The following ABI1 variants were observed in gnomAD, a reference collection of about 807,000 sequenced individuals.
The protein encoded by ABI1 is abl interactor 1.
ABI1 carries 14 observed loss-of-function variants against 54.6 expected under a neutral mutation model. The observed-to-expected ratio is 0.26, with a 90% CI of 0.17 to 0.40. ABI1 has a LOEUF of 0.40. Among genes scored for constraint, ABI1 ranks in the 10% least tolerant of loss-of-function variants. ABI1 has a pLI of 1.00. For missense variants in ABI1, 443 were observed against 598.3 expected (o/e 0.74, Z 2.71); for synonymous variants, 194 against 209.3 (o/e 0.93, Z 0.63).
At chr10:26,762,420 T>C (rs1839358397) in intron 7 of ABI1, among the ~76,000 whole-genome samples, 1 of 152,178 alleles carries the variant, frequency 6.6e-6, no homozygotes, top group Non-Finnish European at 1.5e-5. Flanking sequence ...TATTTCTAAC[T>C]AATTCTCAGA....
At chr10:26,802,160 TG>T (rs2046606735) in intron 2 of ABI1, among the ~76,000 whole-genome samples, 1 of 152,204 alleles carries the variant, frequency 6.6e-6, no homozygotes, top group Non-Finnish European at 1.5e-5. Flanking sequence ...TTGTTATCCC[TG>T]GAAGTTAAAA....
At chr10:26,789,010 A>G (rs72629725) in intron 2 of ABI1, 3,208 of 151,670 alleles carry the variant, frequency 0.021, 225 homozygotes, top group East Asian at 0.2. Flanking sequence ...AAAAAAAAAA[A>G]GTGGATCCTC....
chr10:26,827,643 A>G (rs1401631016), intron 1 of ABI1, among the ~76,000 whole-genome samples: 1 of 140,256 alleles, frequency 7.1e-6, no homozygotes, highest in Non-Finnish European at 1.5e-5. Flanking sequence ...CTCAGGCTGG[A>G]GTGCAATGGA....
intron 9 of ABI1, among the ~76,000 whole-genome samples, chr10:26,753,147 G>GC (rs1837846133): frequency 6.6e-6 from 1 of 152,060 alleles, no homozygotes; most frequent in Non-Finnish European, 1.5e-5. Context: ...TCAATGCTGT[G>GC]ATTTCTATTT....
intron 2 of ABI1, among the ~76,000 whole-genome samples, chr10:26,820,881 A>G (rs2047932181): frequency 6.6e-6 from 1 of 152,060 alleles, no homozygotes; most frequent in African/African-American, 2.4e-5. Context: ...TTACAGACCT[A>G]AACACCTATG....
chr10:26,825,827 G>T (rs2133836205), intron 1 of ABI1, among the ~76,000 whole-genome samples: 1 of 152,262 alleles, frequency 6.6e-6, no homozygotes, highest in East Asian at 1.9e-4. Context: ...TATTTCCTTT[G>T]TTCACCTATA....
Position 26,765,312 on chromosome 10 carries a change from A to G in ABI1, c.726T>C (p.Ser242=). ...TTTCTCGACTTCCACTTCCTCCACT[A>G]CTTCCACTGAAAAGAAAAAAAAAAA... The part of the protein sequence containing the change: ...LNQRPRTHSG[S]SGGSGSRENS... Residue 242 remains serine, a synonymous_variant, in exon 7 of 11, where the codon AGT becomes AGC. Transcript: ENST00000376140. The G allele has an allele frequency of 6.3e-7, 1 of 1,578,940 alleles. No individual in the cohort carries two copies. The highest frequency in any genetic ancestry group is 8.6e-7 in the Non-Finnish European group (1 of 1,169,296).
At chr10:26,857,934 C>A (rs141991236) in intron 1 of ABI1, among the ~76,000 whole-genome samples, 37 of 151,852 alleles carry the variant, frequency 2.4e-4, no homozygotes, top group Non-Finnish European at 5.0e-4. Flanking sequence ...ATAATACAAC[C>A]TACTAGTTAA....
intron 1 of ABI1, among the ~76,000 whole-genome samples, chr10:26,844,097 AT>A (rs1325109871): frequency 6.6e-6 from 1 of 152,192 alleles, no homozygotes; most frequent in African/African-American, 2.4e-5. Context: ...CAGTTCAAGT[AT>A]GTTTTTGACT....
intron 7 of ABI1, among the ~76,000 whole-genome samples, chr10:26,764,952 A>G (rs535036603): frequency 6.6e-6 from 1 of 152,308 alleles, no homozygotes; most frequent in South Asian, 2.1e-4. Flanking sequence ...GAATGAATAT[A>G]TTTCTAAAGC....
chr10:26,774,833 T>C (rs1841180116), intron 3 of ABI1, among the ~76,000 whole-genome samples: 1 of 151,804 alleles, frequency 6.6e-6, no homozygotes, highest in African/African-American at 2.4e-5. Context: ...AGATATAATT[T>C]TTAAAATTCT....
intron 3 of ABI1, among the ~76,000 whole-genome samples, chr10:26,774,903 G>A (rs375443809): frequency 6.6e-6 from 1 of 152,060 alleles, no homozygotes; most frequent in South Asian, 2.1e-4. Flanking sequence ...AGCAATATGA[G>A]TAAATATTTG....
intron 1 of ABI1, among the ~76,000 whole-genome samples, chr10:26,853,090 G>A (rs2050524309): frequency 6.6e-6 from 1 of 152,020 alleles, no homozygotes; most frequent in African/African-American, 2.4e-5. Context: ...CATTCTAAGG[G>A]ATGGATATTT....
chr10:26,786,068 A>T (rs764081267), intron 2 of ABI1, among the ~76,000 whole-genome samples: 2 of 152,122 alleles, frequency 1.3e-5, no homozygotes, highest in Non-Finnish European at 2.9e-5. Context: ...GACTCTTCAC[A>T]ATTCTTGAAA....
At chr10:26,846,342 C>CT (rs139282236) in intron 1 of ABI1, among the ~76,000 whole-genome samples, 190 of 139,458 alleles carry the variant, frequency 1.4e-3, no homozygotes, top group Middle Eastern at 3.6e-3. Context: ...TTTCTCTTTT[C>CT]TTTTTTTTTT....
Position 26,746,867 on chromosome 10 carries a change from A to C in ABI1, c.*1703T>G, listed in dbSNP as rs1588721031. 5 of 332,486 alleles carry C rather than the reference A, an allele frequency of 1.5e-5. No homozygotes were observed. In the East Asian group the frequency reaches 2.6e-4, roughly 17 times the overall value. 20.6% of individuals were successfully genotyped at this position (332,486 alleles called of 1,614,324 possible). On this transcript the variant is annotated 3_prime_UTR_variant, in exon 11 of 11. Coordinates refer to ENST00000376140, the MANE Select transcript of ABI1 (RefSeq NM_001012750.3). ...TGAAGTCTGCATTGAAGTCCACATG[A>C]GTTATATTTTAACAGTATCCAAAAT...
Position 26,748,730 on chromosome 10 carries a change from T to G in ABI1, c.1286A>C (p.Asp429Ala). The G allele has an allele frequency of 6.8e-6, 11 of 1,611,422 alleles. No homozygotes were observed. The highest frequency in any genetic ancestry group is 9.3e-6 in the Non-Finnish European group (11 of 1,178,832). ...CTCATCATCCTTGTCTTTTGTATAA[T>G]CATATATTGCAACAACTATGGAAAA... is the stretch of plus-strand genomic sequence containing the variant. ...NYIEKVVAIYDYTKDKDDELS... is the reference protein window; with the variant it reads ...NYIEKVVAIYAYTKDKDDELS... The change falls in exon 11 of 11, where the codon GAT (aspartate) becomes GCT (alanine). Residue 429 changes from aspartate (D) to alanine (A), a missense_variant. By Grantham distance (126) the Asp-to-Ala change is moderately radical (BLOSUM62 -2). Transcript: ENST00000376140.
At chr10:26,765,417 T>C (rs1839817005) in intron 6 of ABI1, 99 bp from the exon 7 acceptor site, 7 of 811,400 alleles carry the variant, frequency 8.6e-6, no homozygotes, top group East Asian at 2.8e-5. Context: ...TTTTATGTCA[T>C]ATAGTCATCC....
At chr10:26,777,481 T>C (rs778212748) in intron 2 of ABI1, among the ~76,000 whole-genome samples, 9 of 152,210 alleles carry the variant, frequency 5.9e-5, no homozygotes, top group Non-Finnish European at 1.2e-4. Context: ...TTTTCTTTCC[T>C]AACAATTTGG....
Sources: allele counts gnomAD v4.1 joint callset (sites outside exome capture counted in the v4.1 genomes callset), GRCh38; gene constraint gnomAD v4.1.1; transcripts MANE v1.5; gene names NCBI Gene and HGNC (gene_info 2026-07-23, HGNC 2026-07-21).